CCDC170: variants seen among roughly 807,000 people sequenced by gnomAD.
CCDC170 encodes coiled-coil domain containing 170.
A neutral mutation model predicts 72.6 loss-of-function variants in CCDC170; 69 were observed. The observed-to-expected ratio is 0.95, with a 90% CI of 0.78 to 1.16. The LOEUF (loss-of-function observed/expected upper bound fraction) is 1.16. Among genes scored for constraint, CCDC170 ranks in the 50% most tolerant of loss-of-function variants. CCDC170 has a pLI of 0.00. For synonymous variants in CCDC170, 300 were observed against 303.9 expected (o/e 0.99, Z 0.13); for missense variants, 852 against 832.5 (o/e 1.02, Z -0.29).
chr6:151,538,011 GT>G (rs35795489), intron 2 of CCDC170, 33 bp from the exon 3 acceptor site: 258,763 of 1,246,776 alleles, frequency 0.21, 5,695 homozygotes, highest in African/African-American at 0.41. Context: ...TGTTGTTAAG[GT>G]TTTTTTTTTT....
chr6:151,521,051 G>A (rs1782307810), intron 1 of CCDC170, among the ~76,000 whole-genome samples: 1 of 152,138 alleles, frequency 6.6e-6, no homozygotes, highest in African/African-American at 2.4e-5. Context: ...AAAATGGCTT[G>A]GGAAGAGTTT....
At chr6:151,512,285 G>A (rs915340869) in intron 1 of CCDC170, among the ~76,000 whole-genome samples, 18 of 150,124 alleles carry the variant, frequency 1.2e-4, no homozygotes, top group African/African-American at 2.7e-4. Flanking sequence ...TCAGCCTCCC[G>A]AGTATCTGGG....
At chr6:151,611,848 G>A (rs1325327495) in intron 9 of CCDC170, among the ~76,000 whole-genome samples, 1 of 152,020 alleles carries the variant, frequency 6.6e-6, no homozygotes, top group Non-Finnish European at 1.5e-5. Flanking sequence ...GTAGCCGGGA[G>A]TACAGGCCCC....
chr6:151,532,065 G>A (rs1057147275), intron 1 of CCDC170, among the ~76,000 whole-genome samples: 1 of 151,974 alleles, frequency 6.6e-6, no homozygotes, highest in African/African-American at 2.4e-5. Context: ...GTCAAGAAAA[G>A]GAATAGAGGT....
chr6:151,573,521 C>T, intron 6 of CCDC170, 30 bp downstream of exon 6: 1 of 1,588,096 alleles, frequency 6.3e-7, no homozygotes. Context: ...TTACAGACAT[C>T]TTAAGAACAG....
At chr6:151,586,445 G>A (rs1214150925) in intron 7 of CCDC170, among the ~76,000 whole-genome samples, 2 of 152,160 alleles carry the variant, frequency 1.3e-5, no homozygotes, top group Non-Finnish European at 2.9e-5. Context: ...AATTAATAAA[G>A]TGCTGTAGGA....
chr6:151,494,082 C>T lies in CCDC170; in HGVS notation c.-47C>T. On this transcript the variant is annotated 5_prime_UTR_variant, in exon 1 of 11. Transcript: ENST00000239374. ...CGCCGGCTCCCGGCGCCGCCGCTTC[C>T]TCAGGGCCGGTTCCGGGTCCGAGCG... 1 of 1,471,370 alleles carries T rather than the reference C, an allele frequency of 6.8e-7. No homozygotes were observed. Among genetic ancestry groups the T allele is most frequent in the East Asian group, 3.0e-5 (1 of 33,696 alleles). The allele number at this position is 1,471,370 out of a possible 1,614,324, so 91.1% of individuals were successfully genotyped here. A position where few individuals can be genotyped will look rare whatever the true frequency, so the allele number is the denominator to read the frequency against.
At chr6:151,545,329 G>T (rs1032457507) in intron 4 of CCDC170, among the ~76,000 whole-genome samples, 3 of 152,036 alleles carry the variant, frequency 2.0e-5, no homozygotes, top group African/African-American at 7.2e-5. Flanking sequence ...TGAGACAGGA[G>T]AATCACTTGA....
At chr6:151,615,956 CT>C in intron 10 of CCDC170, 1 of 304,334 alleles carries the variant, frequency 3.3e-6, no homozygotes, top group Non-Finnish European at 6.1e-6. Context: ...CCTCCAGCAT[CT>C]TTTTGGCATT....
chr6:151,563,833 G>T lies in CCDC170; in HGVS notation c.775-9341G>T, dbSNP rs1481579474. On this transcript the variant is annotated intron_variant, in intron 5 of 10. Transcript: ENST00000239374. ...GCTCTCCCACCTACCCTTTCTGTGG[G>T]GCTCTGAGCTTCTCAGGGGTCAATC... is the stretch of plus-strand genomic sequence containing the variant. Among the ~76,000 whole-genome samples the T allele has an allele frequency of 2.6e-5, 4 of 152,272 alleles. 1 individual carries two copies. The East Asian group carries it at 7.7e-4, about 29-fold the overall frequency.
Position 151,558,232 on chromosome 6 carries a change from G to GTTT in CCDC170, c.774+9764_774+9766dup, listed in dbSNP as rs55648936. Among the ~76,000 whole-genome samples the GTTT allele has an allele frequency of 9.7e-3, 687 of 70,770 alleles. 14 individuals are homozygous for GTTT. Among genetic ancestry groups the GTTT allele is most frequent in the African/African-American group, 0.024 (415 of 17,152 alleles). The allele number at this position is 70,770 out of a possible 152,430, so 46.4% of individuals were successfully genotyped here. A position where few individuals can be genotyped will look rare whatever the true frequency, so the allele number is the denominator to read the frequency against. On this transcript the variant is annotated intron_variant, in intron 5 of 10. Coordinates refer to ENST00000239374, the MANE Select transcript of CCDC170 (RefSeq NM_025059.4). ...TCACCCACTTTTTATTGAGATTAGTGTTTTTTTTTTTTTTTTTTTTTTTAA... is the reference window on the plus strand; with the variant it reads ...TCACCCACTTTTTATTGAGATTAGTGTTTTTTTTTTTTTTTTTTTTTTTTTTAA...
At chr6:151,591,756 A>G (rs888738116) in intron 7 of CCDC170, among the ~76,000 whole-genome samples, 1 of 152,052 alleles carries the variant, frequency 6.6e-6, no homozygotes, top group African/African-American at 2.4e-5. Flanking sequence ...CGGCCTCCCA[A>G]AGTGCTGGGA....
At chr6:151,566,697 A>G (rs1776141934) in intron 5 of CCDC170, among the ~76,000 whole-genome samples, 1 of 152,294 alleles carries the variant, frequency 6.6e-6, no homozygotes, top group African/African-American at 2.4e-5. Flanking sequence ...ATAATGAATC[A>G]CTAGTATCAC....
At chr6:151,536,773 C>CAAAAAAA (rs55663799) in intron 2 of CCDC170, among the ~76,000 whole-genome samples, 22 of 79,208 alleles carry the variant, frequency 2.8e-4, no homozygotes, top group South Asian at 5.1e-4. Context: ...GACTCCATCT[C>CAAAAAAA]AAAAAAAAAA....
At chr6:151,522,834 C>G (rs1035649406) in intron 1 of CCDC170, among the ~76,000 whole-genome samples, 1 of 152,192 alleles carries the variant, frequency 6.6e-6, no homozygotes, top group Admixed American at 6.5e-5. Flanking sequence ...AAACAAGCAT[C>G]GCACCTAAGG....
At chr6:151,535,440 G>A (rs1782559945) in intron 1 of CCDC170, among the ~76,000 whole-genome samples, 1 of 152,190 alleles carries the variant, frequency 6.6e-6, no homozygotes, top group Non-Finnish European at 1.5e-5. Flanking sequence ...ATGAGATTAT[G>A]AGATTGAGAA....
At chr6:151,541,124 C>A (rs952601145) in intron 3 of CCDC170, among the ~76,000 whole-genome samples, 1 of 152,102 alleles carries the variant, frequency 6.6e-6, no homozygotes, top group Non-Finnish European at 1.5e-5. Context: ...TTGTTAATTT[C>A]TTTTCCTGGA....
intron 3 of CCDC170, among the ~76,000 whole-genome samples, chr6:151,540,214 T>C (rs1782663378): frequency 6.6e-6 from 1 of 152,010 alleles, no homozygotes; most frequent in Non-Finnish European, 1.5e-5. Context: ...GATGTTGGCC[T>C]ATTCAGTTCC....
At chr6:151,586,913 T>C (rs528006472) in intron 7 of CCDC170, among the ~76,000 whole-genome samples, 1 of 152,022 alleles carries the variant, frequency 6.6e-6, no homozygotes, top group East Asian at 1.9e-4. Flanking sequence ...GCCTCCCAAG[T>C]AGCTGAGATT....
Sources: allele counts gnomAD v4.1 joint callset (sites outside exome capture counted in the v4.1 genomes callset), GRCh38; gene constraint gnomAD v4.1.1; transcripts MANE v1.5; gene names NCBI Gene and HGNC (gene_info 2026-07-23, HGNC 2026-07-21).